ANO4: variants seen among roughly 807,000 people sequenced by gnomAD.
The protein encoded by ANO4 is anoctamin-4.
A neutral mutation model predicts 141.9 loss-of-function variants in ANO4; 69 were observed. The ratio of observed to expected loss-of-function variants is 0.49; its 90% CI spans 0.40 to 0.59. The LOEUF (loss-of-function observed/expected upper bound fraction) is 0.59. Ranked by LOEUF, ANO4 falls within the 20% of genes least tolerant of loss-of-function variation. The pLI, the probability that ANO4 is intolerant of heterozygous loss-of-function variation, is 0.00. For synonymous variants in ANO4, 350 were observed against 394.3 expected (o/e 0.89, Z 1.33); for missense variants, 894 against 1,162.2 (o/e 0.77, Z 3.36).
intron 3 of ANO4, among the ~76,000 whole-genome samples, chr12:100,759,138 A>G (rs1198474750): frequency 1.3e-5 from 2 of 152,204 alleles, no homozygotes; most frequent in Admixed American, 1.3e-4. Flanking sequence ...TAGAGATGGT[A>G]GGTGTTTTAC....
intron 3 of ANO4, among the ~76,000 whole-genome samples, chr12:100,779,049 A>G (rs2033629169): frequency 6.6e-6 from 1 of 152,036 alleles, no homozygotes; most frequent in African/African-American, 2.4e-5. Flanking sequence ...ACTATGACCA[A>G]AAGAAAAAAA....
At chr12:100,848,562 C>G (rs1244922863) in intron 1 of ANO4, among the ~76,000 whole-genome samples, 1 of 152,176 alleles carries the variant, frequency 6.6e-6, no homozygotes, top group African/African-American at 2.4e-5. Flanking sequence ...ATCCCAAATG[C>G]TTGAAACCCT....
rs192733767 is a variant in ANO4, at chr12:100,779,350, A to G, written c.358+39245A>G. Among the ~76,000 whole-genome samples the G allele has an allele frequency of 3.1e-3, 474 of 152,314 alleles. 1 individual carries two copies. Among genetic ancestry groups the G allele is most frequent in the Non-Finnish European group, 5.0e-3 (343 of 68,022 alleles). On this transcript the variant is annotated intron_variant, in intron 3 of 29. Transcript: ENST00000644049. ...TGATTCCAGATTCTTCCTGGTTCAT[A>G]CTGGGCATTCAGCCGAATGCTGCTA...
chr12:100,888,679 C>T (rs990917903), intron 1 of ANO4, among the ~76,000 whole-genome samples: 6 of 152,164 alleles, frequency 3.9e-5, no homozygotes, highest in Non-Finnish European at 8.8e-5. Flanking sequence ...CTTCCCAGGA[C>T]ACAGAACAGG....
chr12:100,804,311 A>G (rs2034869493), intron 1 of ANO4, among the ~76,000 whole-genome samples: 1 of 152,182 alleles, frequency 6.6e-6, no homozygotes, highest in Non-Finnish European at 1.5e-5. Context: ...ATAGCATTCC[A>G]TGGTATATAT....
At chr12:100,861,890 T>C in intron 1 of ANO4, among the ~76,000 whole-genome samples, 1 of 152,152 alleles carries the variant, frequency 6.6e-6, no homozygotes, top group East Asian at 1.9e-4. Flanking sequence ...AACTCACACA[T>C]TAGCGTAGGC....
chr12:101,079,389 G>C, intron 15 of ANO4, 114 bp downstream of exon 15: 1 of 859,156 alleles, frequency 1.2e-6, no homozygotes, highest in East Asian at 2.6e-5. Context: ...TACTCATAAA[G>C]CATTTTCAAT....
At chr12:100,934,421 T>G (rs1197135763) in intron 3 of ANO4, among the ~76,000 whole-genome samples, 3 of 152,208 alleles carry the variant, frequency 2.0e-5, no homozygotes, top group Non-Finnish European at 4.4e-5. Flanking sequence ...TGTGTGGTGT[T>G]ATTTCTGAGG....
At chr12:101,015,454 G>A (rs1194440654) in intron 8 of ANO4, among the ~76,000 whole-genome samples, 1 of 152,084 alleles carries the variant, frequency 6.6e-6, no homozygotes, top group African/African-American at 2.4e-5. Flanking sequence ...TCTATTTACA[G>A]GTGCAGAATA....
chr12:100,935,396 A>G (rs901697498), intron 3 of ANO4, among the ~76,000 whole-genome samples: 2 of 152,112 alleles, frequency 1.3e-5, no homozygotes, highest in Non-Finnish European at 2.9e-5. Flanking sequence ...GATTAAGTTT[A>G]TTGTTTTGCA....
chr12:101,082,167 T>C (rs1380880482), intron 15 of ANO4, among the ~76,000 whole-genome samples: 1 of 152,122 alleles, frequency 6.6e-6, no homozygotes. Flanking sequence ...GGGTGGGTTT[T>C]TCCTGTGCTG....
chr12:100,821,719 A>C (rs1391033976), intron 1 of ANO4, among the ~76,000 whole-genome samples: 1 of 152,046 alleles, frequency 6.6e-6, no homozygotes, highest in Non-Finnish European at 1.5e-5. Context: ...CACAGATGCA[A>C]AACGCCATAA....
rs200204562 is a variant in ANO4, at chr12:101,126,161, C to CAA, written c.2677-717_2677-716dup. ...GCCATCCATGCATCACCAAATTTATCAAGTTTTAAATAAAACGAAGAATAC... is the reference window on the plus strand; with the variant it reads ...GCCATCCATGCATCACCAAATTTATCAAAAGTTTTAAATAAAACGAAGAATAC... On this transcript the variant is annotated intron_variant, in intron 26 of 27. Transcript: ENST00000392977. Among the ~76,000 whole-genome samples, 582 of 152,246 alleles carry CAA rather than the reference C, an allele frequency of 3.8e-3. 2 individuals are homozygous for CAA. Among genetic ancestry groups the CAA allele is most frequent in the African/African-American group, 0.013 (560 of 41,554 alleles).
At position 101,048,216 on chromosome 12, in the gene ANO4, C is replaced by G. The variant is rs970603179; in HGVS notation, c.1252-125C>G. On this transcript the variant is annotated intron_variant, in intron 13 of 27. Transcript: ENST00000392977. ...TTATGGTTCAAAAGGAATATTCCCC[C>G]TACCCAAAACAAAGCCTGTAAAACT... 26 of 1,154,320 alleles carry G rather than the reference C, an allele frequency of 2.3e-5. No individual in the cohort carries two copies. The Admixed American group carries it at 6.0e-4, about 26-fold the overall frequency. 71.5% of individuals were successfully genotyped at this position (1,154,320 alleles called of 1,614,324 possible).
intron 3 of ANO4, among the ~76,000 whole-genome samples, chr12:100,752,741 C>G (rs967728002): frequency 1.7e-4 from 26 of 152,262 alleles, no homozygotes; most frequent in African/African-American, 6.3e-4. Context: ...GATGTGATCC[C>G]TCAAAAGGGC....
chr12:101,044,193 A>T (rs1462962168), intron 13 of ANO4, among the ~76,000 whole-genome samples: 1 of 152,154 alleles, frequency 6.6e-6, no homozygotes, highest in Non-Finnish European at 1.5e-5. Flanking sequence ...CTCTTTTTTC[A>T]TAGAAAGAAG....
chr12:101,063,061 G>A (rs564225431), intron 14 of ANO4, among the ~76,000 whole-genome samples: 13 of 152,326 alleles, frequency 8.5e-5, no homozygotes, highest in African/African-American at 3.1e-4. Flanking sequence ...GAAGACTATG[G>A]GAAAAGATAC....
chr12:100,865,850 C>T (rs902044314), intron 1 of ANO4, among the ~76,000 whole-genome samples: 1 of 152,160 alleles, frequency 6.6e-6, no homozygotes, highest in Non-Finnish European at 1.5e-5. Flanking sequence ...CTGTTTATCT[C>T]CCCCAGGTCT....
intron 9 of ANO4, among the ~76,000 whole-genome samples, chr12:101,033,037 A>G (rs1028826779): frequency 1.2e-4 from 18 of 152,178 alleles, no homozygotes; most frequent in African/African-American, 4.1e-4. Flanking sequence ...TTGCGGCACT[A>G]TTCACAATAG....
Sources: allele counts gnomAD v4.1 joint callset (sites outside exome capture counted in the v4.1 genomes callset), GRCh38; gene constraint gnomAD v4.1.1; transcripts MANE v1.5; gene names NCBI Gene and HGNC (gene_info 2026-07-23, HGNC 2026-07-21).